Variants in CCDC187 observed in about 807,000 individuals in gnomAD.
CCDC187 encodes the protein coiled-coil domain-containing protein 187.
CCDC187 carries 32 observed loss-of-function variants against 38.0 expected under a neutral mutation model. The ratio of observed to expected loss-of-function variants is 0.84; its 90% CI spans 0.64 to 1.13. The LOEUF (loss-of-function observed/expected upper bound fraction) is 1.13. Ranked by LOEUF, CCDC187 falls within the 50% of genes most tolerant of loss-of-function variation. The probability of loss-of-function intolerance (pLI) is 0.00; values close to 1 mark genes in which losing one functional copy is unlikely to be tolerated. For missense variants in CCDC187, 707 were observed against 786.8 expected (o/e 0.90, Z 1.21); for synonymous variants, 333 against 347.9 (o/e 0.96, Z 0.48).
chr9:136,284,739 T>G, intron 9 of CCDC187, among the ~76,000 whole-genome samples: 1 of 146,760 alleles, frequency 6.8e-6, no homozygotes, highest in African/African-American at 2.5e-5. Context: ...GGAGGGGGTT[T>G]TTTCAGGAGA....
At chr9:136,280,502 A>G (rs1200643215) in intron 10 of CCDC187, among the ~76,000 whole-genome samples, 5 of 152,188 alleles carry the variant, frequency 3.3e-5, no homozygotes, top group Non-Finnish European at 7.3e-5. Flanking sequence ...ACAAGCAAGC[A>G]TGCACACACA....
At chr9:136,285,962 T>C in intron 8 of CCDC187, 123 bp downstream of exon 8, 1 of 397,468 alleles carries the variant, frequency 2.5e-6, no homozygotes, top group East Asian at 3.6e-5. Flanking sequence ...TGGACTGTTG[T>C]CCTCCTAGCC....
At chr9:136,288,041 T>C (rs1322423254) in intron 7 of CCDC187, among the ~76,000 whole-genome samples, 1 of 151,344 alleles carries the variant, frequency 6.6e-6, no homozygotes, top group East Asian at 1.9e-4. Flanking sequence ...CATGATGAAG[T>C]GAGATGAGGC....
chr9:136,301,496 G>A (rs965528691), intron 2 of CCDC187, among the ~76,000 whole-genome samples: 9 of 152,212 alleles, frequency 5.9e-5, no homozygotes, highest in Admixed American at 4.6e-4. Flanking sequence ...ACGGAGGGTG[G>A]TGGCTGCAGG....
intron 12 of CCDC187, among the ~76,000 whole-genome samples, chr9:136,275,772 C>T (rs1176133984): frequency 1.3e-5 from 2 of 152,184 alleles, no homozygotes; most frequent in Admixed American, 1.3e-4. Flanking sequence ...TGGTGCAGGA[C>T]GGCCCGGCAG....
rs1369204679 is a variant in CCDC187 at position 136,252,372 on chromosome 9, G to A, written c.*1222C>T. The A allele has an allele frequency of 3.1e-5, 6 of 191,956 alleles. No homozygotes were observed. The highest frequency in any genetic ancestry group is 7.4e-5 in the African/African-American group (3 of 40,314). The allele number at this position is 191,956 out of a possible 1,614,324, so 11.9% of individuals were successfully genotyped here. On this transcript the variant is annotated 3_prime_UTR_variant, in exon 26 of 26. Transcript: ENST00000638797. Reference sequence around the variant, plus strand: ...TCCCGCACAGCCGGCCGCCCACCCCGTCCACCAGGGGAAGGTCCAGGCAAC... The same window carrying A: ...TCCCGCACAGCCGGCCGCCCACCCCATCCACCAGGGGAAGGTCCAGGCAAC...
At chr9:136,274,414 A>G (rs1554762884) in intron 14 of CCDC187, among the ~76,000 whole-genome samples, 1 of 152,178 alleles carries the variant, frequency 6.6e-6, no homozygotes, top group Non-Finnish European at 1.5e-5. Context: ...CAGCTGTCTA[A>G]CCCAGTTCCC....
At chr9:136,261,095 G>A (rs1242450734) in intron 19 of CCDC187, among the ~76,000 whole-genome samples, 5 of 151,816 alleles carry the variant, frequency 3.3e-5, no homozygotes, top group Non-Finnish European at 7.4e-5. Context: ...TCCTCGGCAC[G>A]CGGCGTCTCA....
At chr9:136,265,922 C>A in intron 17 of CCDC187, 34 bp downstream of exon 17, 1 of 968,644 alleles carries the variant, frequency 1.0e-6, no homozygotes. Flanking sequence ...TGTGAGCCGC[C>A]CACCCTGACC....
intron 10 of CCDC187, among the ~76,000 whole-genome samples, chr9:136,280,583 G>A (rs1180530720): frequency 6.6e-6 from 1 of 152,164 alleles, no homozygotes; most frequent in Admixed American, 6.5e-5. Flanking sequence ...AAGCTGCCAG[G>A]TGTGGCTCCA....
intron 10 of CCDC187, among the ~76,000 whole-genome samples, chr9:136,276,955 G>A (rs1437700227): frequency 2.0e-5 from 3 of 152,096 alleles, no homozygotes; most frequent in South Asian, 2.1e-4. Flanking sequence ...GGCTGGGAGG[G>A]CTGCAGCCCC....
chr9:136,254,638 C>G lies in CCDC187; in HGVS notation c.5190G>C (p.Pro1730=). ...GCCAGCCTGCCTTTGGGCTTTGCTC[C>G]GGCGCTGAAACTTCTGCCATGGCCG... ...LDTAMAEVSA[P]EQSPKAGWLL... is the part of the protein sequence containing the mutation. Residue 1730 remains proline, a synonymous_variant, in exon 26 of 26, where the codon CCG becomes CCC. Coordinates refer to ENST00000638797, the MANE Select transcript of CCDC187 (RefSeq NM_001378188.1). 1 of 985,524 alleles carries G rather than the reference C, an allele frequency of 1.0e-6. No homozygotes were observed. Among genetic ancestry groups the G allele is most frequent in the Non-Finnish European group, 1.2e-6 (1 of 829,984 alleles). 61.0% of individuals were successfully genotyped at this position (985,524 alleles called of 1,614,324 possible).
In CCDC187 at chr9:136,286,358, C is replaced by T. The variant is rs1288168602; in HGVS notation, c.2560G>A (p.Val854Ile). ...KLQGAEALDT[V>I]RDPAVGLLRS... Reference sequence around the variant, plus strand: ...AGCAGGCCCACAGCTGGGTCCCTGACGGTGTCCAGCGCTTCGGCACCCTGC... The same window carrying T: ...AGCAGGCCCACAGCTGGGTCCCTGATGGTGTCCAGCGCTTCGGCACCCTGC... Residue 854 changes from valine to isoleucine, a missense_variant, in exon 8 of 26, where the codon GTC (valine) becomes ATC (isoleucine). Transcript: ENST00000638797. The T allele has an allele frequency of 2.5e-5, 10 of 398,528 alleles. No homozygotes were observed. The highest frequency in any genetic ancestry group is 2.5e-4 in the South Asian group (2 of 7,866). The allele number at this position is 398,528 out of a possible 1,614,324, so 24.7% of individuals were successfully genotyped here.
chr9:136,300,857 T>G (rs1831663221), intron 2 of CCDC187, among the ~76,000 whole-genome samples: 1 of 152,218 alleles, frequency 6.6e-6, no homozygotes, highest in African/African-American at 2.4e-5. Context: ...CACCTCAGCC[T>G]CCCAAAGTGC....
At chr9:136,290,275 A>AGGC (rs1243741074) in intron 6 of CCDC187, among the ~76,000 whole-genome samples, 2,119 of 152,036 alleles carry the variant, frequency 0.014, 27 homozygotes, top group Non-Finnish European at 0.016. Context: ...CTGACCCTGC[A>AGGC]CCTCACCAGG....
At chr9:136,255,197 G>T in intron 25 of CCDC187, 63 bp from the exon 26 acceptor site, 1 of 843,670 alleles carries the variant, frequency 1.2e-6, no homozygotes, top group Non-Finnish European at 1.4e-6. Context: ...CATATCCCAC[G>T]ACCCCCAAAG....
intron 4 of CCDC187, among the ~76,000 whole-genome samples, chr9:136,293,974 ATGCTCT>A (rs1831461172): frequency 2.8e-5 from 3 of 107,928 alleles, no homozygotes; most frequent in East Asian, 3.0e-4. Context: ...ATGCCCTCAC[ATGCTCT>A]CACACACACA....
intron 19 of CCDC187, among the ~76,000 whole-genome samples, chr9:136,261,812 C>T (rs1377236332): frequency 6.6e-6 from 1 of 152,224 alleles, no homozygotes; most frequent in Non-Finnish European, 1.5e-5. Context: ...GTGATAGAGT[C>T]TTGAGGGCTG....
In CCDC187 at chr9:136,256,227, G is replaced by T; in HGVS notation, c.4600C>A (p.Arg1534=). The T allele has an allele frequency of 1.0e-6, 1 of 985,524 alleles. No homozygotes were observed. 61.0% of individuals were successfully genotyped at this position (985,524 alleles called of 1,614,324 possible). The change falls in exon 24 of 26, where the codon CGA becomes AGA. Residue 1534 remains arginine, a synonymous_variant. Transcript: ENST00000638797. ...GCCCCACACCTCTGCTCCCCCGATC[G>T]CCAGCTCTCGGTTTCCTGGGACTCC... ...VEESQETESW[R]SGEQRTEACQ...
Sources: allele counts gnomAD v4.1 joint callset (sites outside exome capture counted in the v4.1 genomes callset), GRCh38; gene constraint gnomAD v4.1.1; transcripts MANE v1.5; gene names NCBI Gene and HGNC (gene_info 2026-07-23, HGNC 2026-07-21).